SYN3: variants seen among roughly 807,000 people sequenced by gnomAD.
SYN3 encodes synapsin III, also known as synapsin-3.
SYN3 carries 35 observed loss-of-function variants against 65.8 expected under a neutral mutation model. That is an observed-to-expected ratio of 0.53 (90% confidence interval 0.41 to 0.70). SYN3 has a LOEUF of 0.70. Ranked by LOEUF, SYN3 falls within the 30% of genes least tolerant of loss-of-function variation. The pLI is 0.00. For missense variants in SYN3, 680 were observed against 749.0 expected, an observed-to-expected ratio of 0.91 and a Z score of 1.08; for synonymous variants, 270 against 292.9, an observed-to-expected ratio of 0.92 and a Z score of 0.80.
At chr22:32,921,503 T>C (rs2050333521) in intron 4 of SYN3, among the ~76,000 whole-genome samples, 1 of 152,166 alleles carries the variant, frequency 6.6e-6, no homozygotes, top group South Asian at 2.1e-4. Context: ...GCCAGCCTGG[T>C]GTGGGCTCAA....
At chr22:32,569,256 A>AATCTATCT (rs71320935) in intron 7 of SYN3, among the ~76,000 whole-genome samples, 45,655 of 140,292 alleles carry the variant, frequency 0.33, 7,558 homozygotes, top group African/African-American at 0.35. Flanking sequence ...ATGCATCCAA[A>AATCTATCT]ATCTATCTAT....
intron 4 of SYN3, 77 bp from the exon 5 acceptor site, chr22:32,869,202 G>A: frequency 6.5e-7 from 1 of 1,531,208 alleles, no homozygotes; most frequent in South Asian, 1.2e-5. Context: ...GCTTGCTGGG[G>A]ATGATAGCAC....
intron 6 of SYN3, among the ~76,000 whole-genome samples, chr22:32,702,465 G>A (rs1027282855): frequency 8.5e-5 from 13 of 152,140 alleles, no homozygotes; most frequent in South Asian, 2.1e-4. Flanking sequence ...GTGAGACTCC[G>A]TCTCAAATAA....
chr22:32,609,587 C>T (rs1414705776), intron 6 of SYN3, among the ~76,000 whole-genome samples: 2 of 150,978 alleles, frequency 1.3e-5, no homozygotes, highest in African/African-American at 4.9e-5. Flanking sequence ...AGTAATCCTT[C>T]TGCCTCAGCC....
intron 6 of SYN3, among the ~76,000 whole-genome samples, chr22:32,786,416 G>C (rs556683955): frequency 2.7e-4 from 41 of 151,058 alleles, no homozygotes; most frequent in Non-Finnish European, 4.6e-4. Flanking sequence ...GTCTCACTCT[G>C]TCACCCAGGC....
At chr22:32,872,728 C>G (rs1245849305) in intron 4 of SYN3, among the ~76,000 whole-genome samples, 2 of 152,066 alleles carry the variant, frequency 1.3e-5, no homozygotes, top group East Asian at 1.9e-4. Context: ...CCCTCTGTAC[C>G]CAGCACCCCA....
At chr22:32,714,973 A>G (rs2061016416) in intron 6 of SYN3, among the ~76,000 whole-genome samples, 1 of 152,132 alleles carries the variant, frequency 6.6e-6, no homozygotes, top group African/African-American at 2.4e-5. Context: ...GCATGGAACA[A>G]CTTTCCCCGA....
At chr22:32,831,568 A>G (rs1463253344) in intron 6 of SYN3, among the ~76,000 whole-genome samples, 2 of 152,144 alleles carry the variant, frequency 1.3e-5, no homozygotes, top group Non-Finnish European at 2.9e-5. Context: ...CATTTTTATT[A>G]CCAAGGACTA....
chr22:32,599,256 G>A (rs1182255501), intron 6 of SYN3, among the ~76,000 whole-genome samples: 2 of 151,696 alleles, frequency 1.3e-5, no homozygotes, highest in Non-Finnish European at 2.9e-5. Context: ...GCCTTAAAGA[G>A]CAATATTACA....
intron 1 of SYN3, among the ~76,000 whole-genome samples, chr22:33,017,208 T>C (rs1187363117): frequency 6.6e-6 from 1 of 152,230 alleles, no homozygotes; most frequent in Admixed American, 6.5e-5. Context: ...CAAATTTCAA[T>C]TGATTGTAAG....
In SYN3 at chr22:32,620,478, G is replaced by A. The variant is rs141205370; in HGVS notation, c.712-23742C>T. ...AAGACATATTTTCTTTTCTCCTAAC[G>A]ATAAGGCCAACCAACCAGCAGCCTC... On this transcript the variant is annotated intron_variant, in intron 6 of 13. Coordinates refer to ENST00000358763, the MANE Select transcript of SYN3 (RefSeq NM_003490.4). 7.4e-3 allele frequency among the ~76,000 whole-genome samples: 1,129 copies of A among 152,058 alleles called. 15 individuals carry two copies. The highest frequency in any genetic ancestry group is 0.026 in the African/African-American group (1,077 of 41,470).
rs397690270 is a variant in SYN3, at chr22:32,861,176, GAA to G, written c.711+3737_711+3738del. The G allele has an allele frequency of 1.4e-3, 200 of 143,200 alleles. 2 individuals are homozygous for G. Among genetic ancestry groups the G allele is most frequent in the African/African-American group, 3.7e-3 (146 of 39,526 alleles). The allele number at this position is 143,200 out of a possible 1,614,324, so 8.9% of individuals were successfully genotyped here. A position where few individuals can be genotyped will look rare whatever the true frequency, so the allele number is the denominator to read the frequency against. ...AGAGCTGCCAATTGAAACAGAAGAA[GAA>G]AAAAAAAAAAAGCAGCAGACAACAC... On this transcript the variant is annotated intron_variant, in intron 6 of 13. Transcript: ENST00000358763.
chr22:32,764,012 A>C (rs1342693279), intron 6 of SYN3, among the ~76,000 whole-genome samples: 1 of 147,938 alleles, frequency 6.8e-6, no homozygotes, highest in African/African-American at 2.5e-5. Context: ...ATCTCGGCTC[A>C]CTGCAACCTC....
chr22:32,774,259 T>C (rs1260160874), intron 6 of SYN3, among the ~76,000 whole-genome samples: 1 of 152,106 alleles, frequency 6.6e-6, no homozygotes. Flanking sequence ...TCTTTGCAAA[T>C]GTAATCAAGT....
At chr22:32,806,970 GAATACCACAT>G (rs952763192) in intron 6 of SYN3, among the ~76,000 whole-genome samples, 112 of 151,854 alleles carry the variant, frequency 7.4e-4, no homozygotes, top group African/African-American at 2.6e-3. Flanking sequence ...AAACATCATG[GAATACCACAT>G]AATACCACAT....
chr22:32,976,879 T>A (rs1241271398), intron 3 of SYN3, among the ~76,000 whole-genome samples: 2 of 152,096 alleles, frequency 1.3e-5, no homozygotes, highest in Admixed American at 6.5e-5. Context: ...AATTATCTGG[T>A]TAATTTGGCC....
intron 6 of SYN3, among the ~76,000 whole-genome samples, chr22:32,740,653 A>G (rs2061392958): frequency 6.6e-6 from 1 of 152,204 alleles, no homozygotes; most frequent in Non-Finnish European, 1.5e-5. Flanking sequence ...CCTGGGGTCA[A>G]TGAGGAAAGA....
At chr22:32,593,118 A>G (rs994187307) in intron 7 of SYN3, among the ~76,000 whole-genome samples, 1 of 152,206 alleles carries the variant, frequency 6.6e-6, no homozygotes, top group Admixed American at 6.5e-5. Context: ...AGCTATGAAT[A>G]TGACATCCTT....
rs2048468500 is a variant in SYN3 at position 32,859,283 on chromosome 22, A to G, written c.711+5632T>C. ...GGTTACCCTGGCTACCAGTCCAAAC[A>G]CTACGCCTGCATCCGGCAGAAGGGC... On this transcript the variant is annotated intron_variant, in intron 6 of 13. Transcript: ENST00000358763. 6.2e-7 allele frequency: 1 copy of G among 1,614,164 alleles called. No individual in the cohort carries two copies.
Sources: gnomAD v4.1 joint callset for allele counts (sites outside exome capture counted in the v4.1 genomes callset) on GRCh38, gnomAD v4.1.1 for gene constraint, MANE v1.5 for transcripts, NCBI Gene and HGNC (gene_info 2026-07-23, HGNC 2026-07-21) for gene names.